Variants in CAMKMT observed in about 807,000 individuals in gnomAD.
CAMKMT encodes CaM KMT.
A neutral mutation model predicts 48.0 loss-of-function variants in CAMKMT; 53 were observed. The ratio of observed to expected loss-of-function variants is 1.10; its 90% CI spans 0.89 to 1.39. CAMKMT has a LOEUF of 1.39. Among genes scored for constraint, CAMKMT ranks in the 40% most tolerant of loss-of-function variants. The pLI is 0.00. For missense variants in CAMKMT, 428 were observed against 402.7 expected (o/e 1.06, Z -0.54); for synonymous variants, 165 against 152.3 (o/e 1.08, Z -0.61).
intron 3 of CAMKMT, among the ~76,000 whole-genome samples, chr2:44,515,055 T>C (rs1452895627): frequency 2.0e-5 from 3 of 152,220 alleles, no homozygotes; most frequent in African/African-American, 7.2e-5. Flanking sequence ...CCTGATATAC[T>C]TTTGTGTCTT....
At chr2:44,607,653 C>G (rs532646537) in intron 3 of CAMKMT, among the ~76,000 whole-genome samples, 4 of 152,024 alleles carry the variant, frequency 2.6e-5, no homozygotes, top group Admixed American at 1.3e-4. Flanking sequence ...TAGGTAAACA[C>G]TTGGTTACAG....
chr2:44,615,936 A>G (rs1301522023), intron 3 of CAMKMT, among the ~76,000 whole-genome samples: 1 of 152,074 alleles, frequency 6.6e-6, no homozygotes, highest in Non-Finnish European at 1.5e-5. Context: ...TTTTCAGCAA[A>G]TGCTGAAAAC....
At chr2:44,527,453 G>A (rs1666207952) in intron 3 of CAMKMT, among the ~76,000 whole-genome samples, 1 of 141,464 alleles carries the variant, frequency 7.1e-6, no homozygotes, top group Admixed American at 7.3e-5. Flanking sequence ...GTAGAGATGA[G>A]GTCTCTCTCT....
chr2:44,588,296 G>T (rs1158104758), intron 3 of CAMKMT, among the ~76,000 whole-genome samples: 1 of 63,650 alleles, frequency 1.6e-5, no homozygotes, highest in Non-Finnish European at 3.1e-5. Context: ...CACCCCGTCC[G>T]GGAGGGAGGG....
chr2:44,493,130 C>G (rs1015548493), intron 3 of CAMKMT, among the ~76,000 whole-genome samples: 9 of 151,890 alleles, frequency 5.9e-5, no homozygotes, highest in South Asian at 4.2e-4. Flanking sequence ...CTCCTGACCT[C>G]GTGATCCACC....
chr2:44,588,038 C>G (rs1171212957), intron 3 of CAMKMT, among the ~76,000 whole-genome samples: 1 of 126,204 alleles, frequency 7.9e-6, no homozygotes, highest in African/African-American at 2.9e-5. Flanking sequence ...GCGAGGAGCG[C>G]CTCTTCCCCG....
At chr2:44,771,992 T>C in intron 10 of CAMKMT, 44 bp from the exon 11 acceptor site, 2 of 1,313,710 alleles carry the variant, frequency 1.5e-6, no homozygotes, top group Non-Finnish European at 1.1e-6. Context: ...TAAAGATCCC[T>C]AATTGGAGTC....
intron 3 of CAMKMT, among the ~76,000 whole-genome samples, chr2:44,658,830 G>C (rs903354603): frequency 2.0e-5 from 3 of 152,042 alleles, no homozygotes; most frequent in African/African-American, 7.3e-5. Flanking sequence ...CTTCCAGTGG[G>C]AGCCATTTCA....
chr2:44,391,088 C>G (rs1226779605), intron 3 of CAMKMT, among the ~76,000 whole-genome samples: 1 of 152,112 alleles, frequency 6.6e-6, no homozygotes, highest in Non-Finnish European at 1.5e-5. Context: ...CTCTTTTTCT[C>G]AAAGAAAATT....
intron 3 of CAMKMT, among the ~76,000 whole-genome samples, chr2:44,617,955 A>G (rs922204268): frequency 6.6e-6 from 1 of 152,244 alleles, no homozygotes; most frequent in Non-Finnish European, 1.5e-5. Flanking sequence ...AGAGCCAAAT[A>G]TAGCAGAAGC....
intron 3 of CAMKMT, among the ~76,000 whole-genome samples, chr2:44,592,708 C>T (rs774581915): frequency 5.3e-5 from 8 of 152,146 alleles, no homozygotes; most frequent in African/African-American, 7.2e-5. Flanking sequence ...GTCCTATCTG[C>T]GATTTCAGGC....
In CAMKMT at chr2:44,768,362, T is replaced by TATATATATATATATA. The variant is rs1491157479; in HGVS notation, c.894+1801_894+1802insATATATATATATATA. Among the ~76,000 whole-genome samples, 679 of 73,952 alleles carry TATATATATATATATA rather than the reference T, an allele frequency of 9.2e-3. 1 individual carries two copies. The highest frequency in any genetic ancestry group is 0.013 in the Non-Finnish European group (522 of 39,394). The allele number at this position is 73,952 out of a possible 152,430, so 48.5% of individuals were successfully genotyped here. A position where few individuals can be genotyped will look rare whatever the true frequency, so the allele number is the denominator to read the frequency against. ...CCCATGATATATATATATATATATATTTTTTTTTTTTTTTTAATAATGAGA... is the reference window on the plus strand; with the variant it reads ...CCCATGATATATATATATATATATATATATATATATATATATTTTTTTTTTTTTTTAATAATGAGA... On this transcript the variant is annotated intron_variant, in intron 10 of 10. Transcript: ENST00000378494.
intron 8 of CAMKMT, among the ~76,000 whole-genome samples, chr2:44,746,266 G>C (rs1257776560): frequency 6.6e-6 from 1 of 152,172 alleles, no homozygotes; most frequent in African/African-American, 2.4e-5. Context: ...GCTAACCAGT[G>C]GTACTGCTTG....
chr2:44,462,319 C>A (rs1053727908), intron 3 of CAMKMT, among the ~76,000 whole-genome samples: 7 of 151,986 alleles, frequency 4.6e-5, no homozygotes, highest in Admixed American at 6.6e-5. Context: ...GGTAATCATC[C>A]TTTCAGATAA....
At chr2:44,409,706 C>G (rs1470191702) in intron 3 of CAMKMT, among the ~76,000 whole-genome samples, 2 of 151,966 alleles carry the variant, frequency 1.3e-5, no homozygotes, top group African/African-American at 2.4e-5. Context: ...AACATTTTAT[C>G]TTTAATTGTG....
At chr2:44,455,495 T>G (rs1667515831) in intron 3 of CAMKMT, among the ~76,000 whole-genome samples, 1 of 152,164 alleles carries the variant, frequency 6.6e-6, no homozygotes, top group South Asian at 2.1e-4. Flanking sequence ...CAATTGTCAT[T>G]CATTGCAGCT....
In CAMKMT at chr2:44,586,651, T is replaced by C. The variant is rs72882919; in HGVS notation, c.377-117632T>C. Among the ~76,000 whole-genome samples, 1,388 of 152,350 alleles carry C rather than the reference T, an allele frequency of 9.1e-3. 16 individuals are homozygous for C. Among genetic ancestry groups the C allele is most frequent in the African/African-American group, 0.026 (1,080 of 41,570 alleles). ...GTGTTTGAGTCTTCCATTCCTTTTTTATTGCTGAGTAGTATTCTGTTGTGT... is the reference window on the plus strand; with the variant it reads ...GTGTTTGAGTCTTCCATTCCTTTTTCATTGCTGAGTAGTATTCTGTTGTGT... On this transcript the variant is annotated intron_variant, in intron 3 of 10. Coordinates refer to ENST00000378494, the MANE Select transcript of CAMKMT (RefSeq NM_024766.5).
intron 2 of CAMKMT, among the ~76,000 whole-genome samples, chr2:44,375,787 T>G (rs553420762): frequency 6.7e-6 from 1 of 148,554 alleles, no homozygotes; most frequent in South Asian, 2.1e-4. Flanking sequence ...AGGTTCTTGG[T>G]TTTTTTTTTC....
In CAMKMT at chr2:44,743,824, C is replaced by A. The variant is rs1229279528; in HGVS notation, c.698+128C>A. 6.4e-6 allele frequency: 4 copies of A among 622,246 alleles called. No individual in the cohort carries two copies. The East Asian group carries it at 8.4e-5, about 13-fold the overall frequency. 38.5% of individuals were successfully genotyped at this position (622,246 alleles called of 1,614,324 possible). On this transcript the variant is annotated intron_variant, in intron 8 of 10. Coordinates refer to ENST00000378494, the MANE Select transcript of CAMKMT (RefSeq NM_024766.5). ...AAGCACAAAGCCACCTTAACCTCAA[C>A]AAATTAATATTCATCTCCATGTGAC...
Sources: gnomAD v4.1 joint callset for allele counts (sites outside exome capture counted in the v4.1 genomes callset) on GRCh38, gnomAD v4.1.1 for gene constraint, MANE v1.5 for transcripts, NCBI Gene and HGNC (gene_info 2026-07-23, HGNC 2026-07-21) for gene names.